UNC13B: variants seen among roughly 807,000 people sequenced by gnomAD.
UNC13B encodes unc-13 homolog B.
A neutral mutation model predicts 211.0 loss-of-function variants in UNC13B; 144 were observed. That is an observed-to-expected ratio of 0.68 (90% CI 0.60 to 0.78). UNC13B has a LOEUF of 0.78. Among genes scored for constraint, UNC13B ranks in the 30% least tolerant of loss-of-function variants. The pLI is 0.00. For synonymous variants in UNC13B, 709 were observed against 725.8 expected (o/e 0.98, Z 0.37); for missense variants, 1,777 against 2,002.0 (o/e 0.89, Z 2.14).
intron 1 of UNC13B, among the ~76,000 whole-genome samples, chr9:35,200,574 G>A (rs1393226057): frequency 1.3e-5 from 2 of 152,062 alleles, no homozygotes; most frequent in East Asian, 3.8e-4. Flanking sequence ...TGGATTCCTA[G>A]GTATTTTATT....
chr9:35,342,407 T>C, intron 11 of UNC13B: 3 of 968,250 alleles, frequency 3.1e-6, no homozygotes, highest in Non-Finnish European at 3.7e-6. Context: ...AAAGCATTTG[T>C]GGGTGGAATA....
chr9:35,353,691 T>A, intron 11 of UNC13B: 2 of 1,232,134 alleles, frequency 1.6e-6, no homozygotes, highest in Admixed American at 8.4e-5. Context: ...ACCGTTTACC[T>A]CAACAAGTGC....
intron 11 of UNC13B, among the ~76,000 whole-genome samples, chr9:35,332,210 A>G (rs1831412853): frequency 6.6e-6 from 1 of 152,140 alleles, no homozygotes; most frequent in South Asian, 2.1e-4. Flanking sequence ...TCGGCCTCCC[A>G]AAGTGCCAGG....
intron 1 of UNC13B, among the ~76,000 whole-genome samples, chr9:35,200,985 C>T (rs1438335719): frequency 6.6e-6 from 1 of 152,100 alleles, no homozygotes; most frequent in Non-Finnish European, 1.5e-5. Context: ...TCATAGATAG[C>T]TCTTATTATT....
intron 6 of UNC13B, among the ~76,000 whole-genome samples, chr9:35,257,370 T>TAAAAATATTTATAAAAATATTTATA (rs11389755): frequency 9.9e-5 from 6 of 60,652 alleles, no homozygotes; most frequent in African/African-American, 5.1e-4. Context: ...TAAATATTTA[T>TAAAAATATTTATAAAAATATTTATA]AAAATATTTA....
At position 35,386,273 on chromosome 9, in the gene UNC13B, T is replaced by C. The variant is rs758878201; in HGVS notation, c.11074T>C (p.Tyr3692His). 7.4e-6 allele frequency: 12 copies of C among 1,613,916 alleles called. No homozygotes were observed. The highest frequency in any genetic ancestry group is 2.2e-5 in the East Asian group (1 of 44,886). ...EYIFNNCHDLYSRQYQLKQEL... is the reference protein window; with the variant it reads ...EYIFNNCHDLHSRQYQLKQEL... ...TATCTTCAACAACTGCCACGACTTA[T>C]ACAGCCGCCAGTACCAGCTGGTAAG... Residue 3692 changes from tyrosine to histidine, a missense_variant, in exon 24 of 40, where the codon TAC becomes CAC. Physicochemically the swap from Tyr to His is moderately conservative, Grantham distance 83. Coordinates refer to ENST00000635942, the MANE Select transcript of UNC13B (RefSeq NM_001371189.2).
intron 7 of UNC13B, among the ~76,000 whole-genome samples, chr9:35,279,951 T>C (rs1181178266): frequency 6.6e-6 from 1 of 152,108 alleles, no homozygotes; most frequent in Non-Finnish European, 1.5e-5. Context: ...TATCCTGTCT[T>C]TTTCTCCTCT....
intron 9 of UNC13B, among the ~76,000 whole-genome samples, chr9:35,309,903 A>G (rs938130411): frequency 6.6e-6 from 1 of 152,186 alleles, no homozygotes; most frequent in Admixed American, 6.5e-5. Flanking sequence ...AATGGGTTCT[A>G]TTAACTCATC....
chr9:35,396,169 C>G (rs73501731), intron 26 of UNC13B, among the ~76,000 whole-genome samples: 4,014 of 152,280 alleles, frequency 0.026, 183 homozygotes, highest in African/African-American at 0.09. Context: ...ATGGCCCTTT[C>G]TCCTCTTCTA....
rs750931707 is a variant in UNC13B, at chr9:35,305,379, A to G, written c.5975A>G (p.Asn1992Ser). The G allele has an allele frequency of 6.5e-5, 26 of 398,868 alleles. No individual in the cohort carries two copies. The highest frequency in any genetic ancestry group is 1.0e-4 in the Non-Finnish European group (23 of 226,028). 24.7% of individuals were successfully genotyped at this position (398,868 alleles called of 1,614,324 possible). The stretch of plus-strand genomic sequence containing the variant: ...ACCCTTGGGGATTTCTTTAAAGCCA[A>G]TGTATCTCCTATACAGACAACTGAA... ...WGTLGDFFKA[N>S]VSPIQTTENT... The change falls in exon 9 of 40, where the codon AAT becomes AGT. Residue 1992 changes from asparagine to serine, a missense_variant. Transcript: ENST00000635942.
intron 7 of UNC13B, among the ~76,000 whole-genome samples, chr9:35,286,827 C>G (rs943363925): frequency 4.6e-5 from 7 of 152,150 alleles, no homozygotes; most frequent in Non-Finnish European, 1.0e-4. Flanking sequence ...GGTGGTGCAT[C>G]GCAAATCCAC....
chr9:35,191,762 C>G (rs566319993), intron 1 of UNC13B, among the ~76,000 whole-genome samples: 17 of 152,322 alleles, frequency 1.1e-4, no homozygotes, highest in African/African-American at 4.1e-4. Flanking sequence ...CACGTGGTTA[C>G]ACGTCATGTT....
rs372980896 is a variant in UNC13B at position 35,179,812 on chromosome 9, TAGAG to T, written c.22+17513_22+17516del. Among the ~76,000 whole-genome samples, 10 of 152,076 alleles carry T rather than the reference TAGAG, an allele frequency of 6.6e-5. 2 individuals are homozygous for T. The South Asian group carries it at 2.1e-3, about 32-fold the overall frequency. On this transcript the variant is annotated intron_variant, in intron 1 of 39. Coordinates refer to ENST00000635942, the MANE Select transcript of UNC13B (RefSeq NM_001371189.2). ...CTCTGTTTCAAAAAAGACAAAAAAA[TAGAG>T]AGAGATGATACTTTAGTGGTTTTAG...
At chr9:35,174,955 G>A (rs548349941) in intron 1 of UNC13B, among the ~76,000 whole-genome samples, 1 of 152,270 alleles carries the variant, frequency 6.6e-6, no homozygotes, top group South Asian at 2.1e-4. Flanking sequence ...TTACAGGCAT[G>A]AGCCACCGTG....
intron 7 of UNC13B, among the ~76,000 whole-genome samples, chr9:35,261,181 T>G (rs1488227618): frequency 6.6e-6 from 1 of 152,196 alleles, no homozygotes; most frequent in Non-Finnish European, 1.5e-5. Flanking sequence ...ATTTGCTCTT[T>G]CCCTCATCCC....
chr9:35,291,478 G>C (rs1412644234), intron 7 of UNC13B, among the ~76,000 whole-genome samples: 1 of 152,196 alleles, frequency 6.6e-6, no homozygotes, highest in African/African-American at 2.4e-5. Context: ...GGATGAACTA[G>C]AGTCAAGGTG....
chr9:35,198,675 GTC>G (rs1473212335), intron 1 of UNC13B, among the ~76,000 whole-genome samples: 1 of 152,108 alleles, frequency 6.6e-6, no homozygotes, highest in Non-Finnish European at 1.5e-5. Context: ...AAATTGGACT[GTC>G]TTAGAGACTT....
chr9:35,216,704 C>A (rs1824269037), intron 1 of UNC13B, among the ~76,000 whole-genome samples: 1 of 152,068 alleles, frequency 6.6e-6, no homozygotes, highest in South Asian at 2.1e-4. Context: ...AATATTTAAT[C>A]CACAGGAAGG....
In UNC13B at chr9:35,378,437, G is replaced by T; in HGVS notation, c.10205+1G>T. On this transcript the variant is annotated splice_donor_variant, in intron 17 of 39. Transcript: ENST00000635942. LOFTEE classifies it high-confidence loss of function. ...CTGTTTGGGAGGAGAAGTTCCATTT[G>T]TAAGTCACAGAGAGCTTTGTCTTAC... 1.2e-6 allele frequency: 2 copies of T among 1,614,182 alleles called. No individual in the cohort carries two copies. The highest frequency in any genetic ancestry group is 2.2e-5 in the East Asian group (1 of 44,880).
Sources: allele counts gnomAD v4.1 joint callset (sites outside exome capture counted in the v4.1 genomes callset), GRCh38; gene constraint gnomAD v4.1.1; transcripts MANE v1.5; gene names NCBI Gene and HGNC (gene_info 2026-07-23, HGNC 2026-07-21).